Variants in PDZD2 observed in about 807,000 individuals in gnomAD.
PDZD2 encodes the protein PDZ domain containing 2.
A neutral mutation model predicts 220.7 loss-of-function variants in PDZD2; 90 were observed. The ratio of observed to expected loss-of-function variants is 0.41; its 90% confidence interval spans 0.34 to 0.49. The LOEUF (loss-of-function observed/expected upper bound fraction) is 0.49, where lower values mean the gene tolerates loss of function less well. PDZD2 is among the 20% of genes least tolerant of loss of function. The pLI, the probability that PDZD2 is intolerant of heterozygous loss-of-function variation, is 0.28. For missense variants in PDZD2, 3,174 were observed against 3,608.5 expected (o/e 0.88, Z 3.08); for synonymous variants, 1,375 against 1,450.5 (o/e 0.95, Z 1.18).
At chr5:31,843,044 G>C (rs992117545) in intron 2 of PDZD2, among the ~76,000 whole-genome samples, 1 of 151,918 alleles carries the variant, frequency 6.6e-6, no homozygotes, top group African/African-American at 2.4e-5. Context: ...ACCACACCCG[G>C]CTAATTTTGT....
chr5:31,654,257 C>T (rs755790477), intron 1 of PDZD2, among the ~76,000 whole-genome samples: 3 of 152,122 alleles, frequency 2.0e-5, no homozygotes, highest in Non-Finnish European at 4.4e-5. Context: ...ACAGGTCATC[C>T]CTCCCTTATC....
intron 1 of PDZD2, among the ~76,000 whole-genome samples, chr5:31,797,745 G>T (rs7726667): frequency 3.9e-5 from 6 of 152,074 alleles, no homozygotes; most frequent in East Asian, 3.8e-4. Flanking sequence ...CGCAAAGCAC[G>T]CTATATTGGA....
intron 2 of PDZD2, among the ~76,000 whole-genome samples, chr5:31,886,821 C>A (rs1472511188): frequency 6.6e-6 from 1 of 152,118 alleles, no homozygotes; most frequent in African/African-American, 2.4e-5. Flanking sequence ...CCTCAGCCTC[C>A]CGAGTAGCTG....
chr5:32,022,279 C>A (rs1317736708), intron 6 of PDZD2, among the ~76,000 whole-genome samples: 1 of 147,782 alleles, frequency 6.8e-6, no homozygotes, highest in Non-Finnish European at 1.5e-5. Flanking sequence ...CTCAGTGCAA[C>A]CTCTACCTCC....
Position 32,097,391 on chromosome 5 carries a change from G to C in PDZD2, c.7947+11G>C, listed in dbSNP as rs1349069445. ...CCAAAATCAATCACGGTAAGTGACA[G>C]AGTCATTAGGCTCTCAGGAAAATCC... On this transcript the variant is annotated intron_variant, in intron 22 of 24. Transcript: ENST00000438447. The C allele has an allele frequency of 2.6e-6, 4 of 1,526,040 alleles. No homozygotes were observed. Among genetic ancestry groups the C allele is most frequent in the East Asian group, 2.2e-5 (1 of 44,488 alleles). The allele number at this position is 1,526,040 out of a possible 1,614,324, so 94.5% of individuals were successfully genotyped here. A position where few individuals can be genotyped will look rare whatever the true frequency, so the allele number is the denominator to read the frequency against.
chr5:31,847,404 A>G, intron 2 of PDZD2: 1 of 484,758 alleles, frequency 2.1e-6, no homozygotes, highest in Non-Finnish European at 3.9e-6. Flanking sequence ...AATAAGTACA[A>G]CACACCCAAA....
intron 1 of PDZD2, among the ~76,000 whole-genome samples, chr5:31,744,989 CA>C (rs1469652351): frequency 6.6e-6 from 1 of 152,066 alleles, no homozygotes; most frequent in Non-Finnish European, 1.5e-5. Flanking sequence ...AGGAGAATGG[CA>C]TGAACCTGGG....
At chr5:31,775,566 C>G (rs754123118) in intron 1 of PDZD2, among the ~76,000 whole-genome samples, 1 of 152,014 alleles carries the variant, frequency 6.6e-6, no homozygotes, top group Non-Finnish European at 1.5e-5. Context: ...CTGTTTGGCC[C>G]AAGTCAAACC....
chr5:31,747,737 A>G (rs1750687775), intron 1 of PDZD2: 1 of 152,284 alleles, frequency 6.6e-6, no homozygotes, highest in Non-Finnish European at 1.5e-5. Context: ...TGTTTTCCAA[A>G]TGCCCAGGTC....
At chr5:31,811,919 G>A (rs895549558) in intron 2 of PDZD2, among the ~76,000 whole-genome samples, 1 of 152,048 alleles carries the variant, frequency 6.6e-6, no homozygotes, top group Non-Finnish European at 1.5e-5. Context: ...GAACCCAAGA[G>A]GTGGAAGTTG....
intron 1 of PDZD2, among the ~76,000 whole-genome samples, chr5:31,773,484 CAAAA>C (rs56843716): frequency 4.5e-5 from 5 of 111,476 alleles, no homozygotes; most frequent in African/African-American, 1.2e-4. Flanking sequence ...ACTAAAAATA[CAAAA>C]AAAAAAAAAA....
At chr5:31,911,544 G>A (rs1038685641) in intron 2 of PDZD2, among the ~76,000 whole-genome samples, 3 of 152,172 alleles carry the variant, frequency 2.0e-5, no homozygotes, top group East Asian at 1.9e-4. Context: ...GCTTCCTTTC[G>A]TTTCTCTGTT....
At chr5:31,840,536 C>G in intron 2 of PDZD2, 1 of 638,718 alleles carries the variant, frequency 1.6e-6, no homozygotes, top group Non-Finnish European at 2.9e-6. Flanking sequence ...AGCTCAGGCT[C>G]CTTCCCACTG....
Position 31,799,576 on chromosome 5 carries a change from C to G in PDZD2, c.328C>G (p.Gln110Glu). The G allele has an allele frequency of 6.2e-7, 1 of 1,614,124 alleles. No individual in the cohort carries two copies. The highest frequency in any genetic ancestry group is 1.3e-5 in the African/African-American group (1 of 75,022). The change falls in exon 2 of 25, where the codon CAG becomes GAG. Residue 110 changes from glutamine (Q) to glutamate (E), a missense_variant. Gln to Glu is a conservative substitution (Grantham distance 29). This residue lies in a region of PDZD2 where 632 missense variants were observed against 708.1 expected (regional missense o/e 0.89). Coordinates refer to ENST00000438447, the MANE Select transcript of PDZD2 (RefSeq NM_178140.4). ...GGGGGGCAAGAAGAGGAAAACCCAC[C>G]AGGGTCCTGTGCTGGATGTGGGCTG... Reference protein sequence around the residue: ...RRGGKKRKTHQGPVLDVGCIW... With the variant: ...RRGGKKRKTHEGPVLDVGCIW...
chr5:31,833,035 G>A (rs115055551), intron 2 of PDZD2, among the ~76,000 whole-genome samples: 1,769 of 152,238 alleles, frequency 0.012, 33 homozygotes, highest in African/African-American at 0.04. Context: ...AACACTGTTA[G>A]CACAGTCGGT....
intron 2 of PDZD2, among the ~76,000 whole-genome samples, chr5:31,889,500 T>A (rs1165451853): frequency 6.6e-6 from 1 of 152,196 alleles, no homozygotes; most frequent in Non-Finnish European, 1.5e-5. Flanking sequence ...GACCTCACAC[T>A]CCTGTTGAGA....
At chr5:31,755,956 T>C (rs1751283331) in intron 1 of PDZD2, among the ~76,000 whole-genome samples, 1 of 152,092 alleles carries the variant, frequency 6.6e-6, no homozygotes, top group African/African-American at 2.4e-5. Context: ...CCTAGTGTTA[T>C]TGGGTCTCGG....
chr5:31,713,719 G>A (rs1438009119), intron 1 of PDZD2, among the ~76,000 whole-genome samples: 2 of 152,156 alleles, frequency 1.3e-5, no homozygotes, highest in African/African-American at 2.4e-5. Flanking sequence ...AGCTAATTTT[G>A]TATTTTTAAT....
In PDZD2 at chr5:32,090,686, A is replaced by C. The variant is rs766018708; in HGVS notation, c.7238A>C (p.Gln2413Pro). 1 of 1,614,082 alleles carries C rather than the reference A, an allele frequency of 6.2e-7. No individual in the cohort carries two copies. The highest frequency in any genetic ancestry group is 8.5e-7 in the Non-Finnish European group (1 of 1,180,052). ...NQSEAGTLLP[Q>P]MAKSPSIMTL... ...AGCGAAGCCGGCACCCTCCTGCCCC[A>C]GATGGCCAAGTCTCCCTCAATCATG... is the stretch of plus-strand genomic sequence containing the variant. Residue 2413 changes from glutamine to proline, a missense_variant, in exon 20 of 25, where the codon CAG becomes CCG. Coordinates refer to ENST00000438447, the MANE Select transcript of PDZD2 (RefSeq NM_178140.4). The surrounding 1 kb of genome is among the most constrained non-coding windows in gnomAD (Gnocchi z 4.3).
Sources: gnomAD v4.1 joint callset for allele counts (sites outside exome capture counted in the v4.1 genomes callset) on GRCh38, gnomAD v4.1.1 for gene constraint, gnomAD v4.1.1 regional missense constraint, Gnocchi (gnomAD v3.1) non-coding constraint, MANE v1.5 for transcripts, NCBI Gene and HGNC (gene_info 2026-07-23, HGNC 2026-07-21) for gene names.